INPP4B: variants seen among roughly 807,000 people sequenced by gnomAD.
INPP4B encodes inositol polyphosphate 4-phosphatase type II.
INPP4B carries 55 observed loss-of-function variants against 122.5 expected under a neutral mutation model. That is an observed-to-expected ratio of 0.45 (90% confidence interval 0.36 to 0.56). The LOEUF (loss-of-function observed/expected upper bound fraction) is 0.56. Among genes scored for constraint, INPP4B ranks in the 20% least tolerant of loss-of-function variants. INPP4B has a pLI of 0.00. For synonymous variants in INPP4B, 403 were observed against 388.7 expected (o/e 1.04, Z -0.43); for missense variants, 1,000 against 1,097.7 (o/e 0.91, Z 1.26).
intron 2 of INPP4B, among the ~76,000 whole-genome samples, chr4:142,549,030 A>T (rs1446825165): frequency 6.6e-6 from 1 of 152,156 alleles, no homozygotes; most frequent in Admixed American, 6.6e-5. Flanking sequence ...GAGCTTGTCC[A>T]GCATTCCCAA....
At chr4:142,830,767 A>G (rs958252681) in intron 1 of INPP4B, among the ~76,000 whole-genome samples, 2 of 150,150 alleles carry the variant, frequency 1.3e-5, no homozygotes, top group African/African-American at 4.9e-5. Context: ...TAACCCCAGC[A>G]CTTTAGGAGG....
chr4:142,835,422 A>G (rs934041380), intron 1 of INPP4B, among the ~76,000 whole-genome samples: 4 of 152,224 alleles, frequency 2.6e-5, no homozygotes, highest in Non-Finnish European at 4.4e-5. Flanking sequence ...AAAGAGAACT[A>G]TAGTATATAG....
chr4:142,783,944 A>G (rs1451130472), intron 1 of INPP4B, among the ~76,000 whole-genome samples: 1 of 152,184 alleles, frequency 6.6e-6, no homozygotes, highest in African/African-American at 2.4e-5. Context: ...TATAAGAAGG[A>G]GAAATTTTAA....
intron 2 of INPP4B, among the ~76,000 whole-genome samples, chr4:142,534,208 T>C (rs543323562): frequency 6.6e-6 from 1 of 152,154 alleles, no homozygotes; most frequent in African/African-American, 2.4e-5. Flanking sequence ...TTTATATATA[T>C]ATATGGAACC....
intron 2 of INPP4B, among the ~76,000 whole-genome samples, chr4:142,611,488 T>A (rs1475113056): frequency 6.6e-6 from 1 of 152,106 alleles, no homozygotes; most frequent in African/African-American, 2.4e-5. Context: ...CTCATAACTA[T>A]GAATTAAACA....
intron 7 of INPP4B, among the ~76,000 whole-genome samples, chr4:142,330,551 G>A (rs1453426296): frequency 1.3e-5 from 2 of 151,896 alleles, no homozygotes; most frequent in Admixed American, 6.6e-5. Context: ...ACACATACAC[G>A]CGCACGCACA....
intron 7 of INPP4B, among the ~76,000 whole-genome samples, chr4:142,372,221 G>T (rs1790202411): frequency 6.6e-6 from 1 of 152,074 alleles, no homozygotes; most frequent in Admixed American, 6.6e-5. Context: ...CTATATGGGT[G>T]ATAAAATATA....
chr4:142,676,461 C>T (rs1197502014), intron 2 of INPP4B, among the ~76,000 whole-genome samples: 1 of 152,006 alleles, frequency 6.6e-6, no homozygotes, highest in Admixed American at 6.6e-5. Flanking sequence ...AGCTACCATT[C>T]ACTTTCTTCA....
At chr4:142,794,193 C>A (rs1269338807) in intron 1 of INPP4B, among the ~76,000 whole-genome samples, 2 of 151,924 alleles carry the variant, frequency 1.3e-5, no homozygotes, top group Non-Finnish European at 2.9e-5. Flanking sequence ...TAAAGAAAAA[C>A]AAGGTAGGAG....
intron 6 of INPP4B, among the ~76,000 whole-genome samples, chr4:142,404,504 C>T (rs1384538726): frequency 6.6e-6 from 1 of 152,186 alleles, no homozygotes; most frequent in African/African-American, 2.4e-5. Context: ...CAAAGGGAAA[C>T]ACTTCCTCTT....
chr4:142,447,008 T>C (rs1813045077), intron 3 of INPP4B, among the ~76,000 whole-genome samples: 1 of 152,170 alleles, frequency 6.6e-6, no homozygotes, highest in Admixed American at 6.5e-5. Flanking sequence ...AAACGGGTAA[T>C]AGGAAAAAAA....
At chr4:142,518,779 G>A (rs527821476) in intron 2 of INPP4B, 1 of 152,206 alleles carries the variant, frequency 6.6e-6, no homozygotes, top group Non-Finnish European at 1.5e-5. Context: ...CTGAGAGCCA[G>A]CGTCAACTGC....
chr4:142,565,097 G>A (rs1213634089), intron 2 of INPP4B, among the ~76,000 whole-genome samples: 2 of 151,984 alleles, frequency 1.3e-5, no homozygotes, highest in Admixed American at 6.6e-5. Flanking sequence ...TGACCTTGAC[G>A]ATTTTCATGA....
At chr4:142,316,415 T>G (rs6847957) in intron 7 of INPP4B, among the ~76,000 whole-genome samples, 18,308 of 152,208 alleles carry the variant, frequency 0.12, 1,359 homozygotes, top group Middle Eastern at 0.2. Flanking sequence ...CAATGTATTG[T>G]GTGTGCATGG....
chr4:142,823,944 A>AT (rs1425961492), intron 1 of INPP4B, among the ~76,000 whole-genome samples: 3 of 152,284 alleles, frequency 2.0e-5, no homozygotes, highest in Non-Finnish European at 2.9e-5. Flanking sequence ...TGAGTAAAAA[A>AT]GATCGACCCT....
At chr4:142,289,083 T>C (rs531666513) in intron 9 of INPP4B, among the ~76,000 whole-genome samples, 1 of 152,208 alleles carries the variant, frequency 6.6e-6, no homozygotes, top group Non-Finnish European at 1.5e-5. Flanking sequence ...CTCCTCTCCA[T>C]TCTGGTATTG....
chr4:142,690,853 C>T (rs1760071131), intron 2 of INPP4B, among the ~76,000 whole-genome samples: 1 of 152,160 alleles, frequency 6.6e-6, no homozygotes, highest in Non-Finnish European at 1.5e-5. Context: ...TCCTCACCCC[C>T]ACCTCCAGAA....
chr4:142,237,809 A>T lies in INPP4B; in HGVS notation c.836+55T>A, dbSNP rs28493565. 1.1e-3 allele frequency: 1,159 copies of T among 1,085,796 alleles called. 7 individuals carry two copies. In the African/African-American group the frequency reaches 0.016, roughly 15 times the overall value. 67.3% of individuals were successfully genotyped at this position (1,085,796 alleles called of 1,614,324 possible). On this transcript the variant is annotated intron_variant, in intron 12 of 25. Coordinates refer to ENST00000262992, the MANE Select transcript of INPP4B (RefSeq NM_001101669.3). ...ATTATATATAATTTGTCAATTAAAAATTTTTAAATGGTATAAAATAATTAA... is the reference window on the plus strand; with the variant it reads ...ATTATATATAATTTGTCAATTAAAATTTTTTAAATGGTATAAAATAATTAA...
rs185463512 is a variant in INPP4B, at chr4:142,082,688, A to T, written c.2488-503T>A. Among the ~76,000 whole-genome samples, 363 of 152,360 alleles carry T rather than the reference A, an allele frequency of 2.4e-3. 4 individuals carry two copies. The highest frequency in any genetic ancestry group is 5.8e-4 in the East Asian group (3 of 5,184). On this transcript the variant is annotated intron_variant, in intron 24 of 25. Transcript: ENST00000262992. ...GGCTTTATGTTATGAGATTTTAAACATCCTCATGGTGCCTCACAACAGACA... is the reference window on the plus strand; with the variant it reads ...GGCTTTATGTTATGAGATTTTAAACTTCCTCATGGTGCCTCACAACAGACA...
Sources: gnomAD v4.1 joint callset for allele counts (sites outside exome capture counted in the v4.1 genomes callset) on GRCh38, gnomAD v4.1.1 for gene constraint, MANE v1.5 for transcripts, NCBI Gene and HGNC (gene_info 2026-07-23, HGNC 2026-07-21) for gene names.